Variants in PTPRM observed in about 807,000 individuals in gnomAD.
The protein encoded by PTPRM is receptor-type tyrosine-protein phosphatase mu.
Under a neutral mutation model 186.7 loss-of-function variants are expected in PTPRM, and 47 were observed. The ratio of observed to expected loss-of-function variants is 0.25; its 90% confidence interval spans 0.20 to 0.32. The LOEUF (loss-of-function observed/expected upper bound fraction) is 0.32, where lower values mean the gene tolerates loss of function less well. PTPRM is among the 10% of genes least tolerant of loss of function. The pLI is 1.00. For missense variants in PTPRM, 1,494 were observed against 1,865.0 expected, an observed-to-expected ratio of 0.80 and a Z score of 3.66; for synonymous variants, 668 against 674.9, an observed-to-expected ratio of 0.99 and a Z score of 0.16.
At chr18:8,405,577 A>G (rs1034632521) in intron 32 of PTPRM, among the ~76,000 whole-genome samples, 5 of 152,168 alleles carry the variant, frequency 3.3e-5, no homozygotes, top group African/African-American at 1.2e-4. Context: ...TCCTCACTGG[A>G]TCACGGACTT....
In PTPRM at chr18:8,041,693, TTA is replaced by T. The variant is rs373889976; in HGVS notation, c.1133-27992_1133-27991del. On this transcript the variant is annotated intron_variant, in intron 7 of 32. Coordinates refer to ENST00000580170, the MANE Select transcript of PTPRM (RefSeq NM_001105244.2). ...TTAAGCAGATGAACAATCGTCAGAC[TTA>T]GTTACTCTTTGTTGACTTACATCTG... 1.5e-3 allele frequency among the ~76,000 whole-genome samples: 226 copies of T among 152,322 alleles called. 1 individual carries two copies. The highest frequency in any genetic ancestry group is 5.3e-3 in the African/African-American group (222 of 41,576).
intron 7 of PTPRM, among the ~76,000 whole-genome samples, chr18:8,065,967 G>A (rs780022921): frequency 2.3e-4 from 35 of 152,130 alleles, no homozygotes; most frequent in Non-Finnish European, 3.5e-4. Context: ...GTGATCATCA[G>A]TATAACTCAC....
At chr18:7,922,253 A>G (rs2050909882) in intron 4 of PTPRM, among the ~76,000 whole-genome samples, 1 of 152,232 alleles carries the variant, frequency 6.6e-6, no homozygotes, top group African/African-American at 2.4e-5. Context: ...ATTCTCCTAC[A>G]GTGAGGTGCT....
chr18:7,786,815 A>G (rs1265967764), intron 2 of PTPRM, among the ~76,000 whole-genome samples: 1 of 152,240 alleles, frequency 6.6e-6, no homozygotes, highest in Non-Finnish European at 1.5e-5. Context: ...AACTGATGAC[A>G]AGTGACCTTT....
At chr18:7,599,652 A>C (rs1333822625) in intron 1 of PTPRM, among the ~76,000 whole-genome samples, 2 of 152,132 alleles carry the variant, frequency 1.3e-5, no homozygotes, top group Non-Finnish European at 2.9e-5. Context: ...ATTCAAATGT[A>C]GCACCCTGCT....
At chr18:7,637,842 G>A (rs1448127376) in intron 1 of PTPRM, among the ~76,000 whole-genome samples, 1 of 152,140 alleles carries the variant, frequency 6.6e-6, no homozygotes, top group Non-Finnish European at 1.5e-5. Flanking sequence ...ATTTTCTGGT[G>A]CTTTTCCTTA....
chr18:7,653,393 T>G (rs972122608), intron 1 of PTPRM, among the ~76,000 whole-genome samples: 2 of 152,108 alleles, frequency 1.3e-5, no homozygotes, highest in African/African-American at 4.8e-5. Flanking sequence ...CATGAAGGTT[T>G]GTTGTACAGA....
At chr18:7,679,821 T>C (rs1300062731) in intron 1 of PTPRM, among the ~76,000 whole-genome samples, 4 of 152,152 alleles carry the variant, frequency 2.6e-5, no homozygotes, top group African/African-American at 9.7e-5. Flanking sequence ...CTCCATTAGC[T>C]TGTCATGCAA....
chr18:8,203,328 A>G (rs2093883600), intron 14 of PTPRM, among the ~76,000 whole-genome samples: 1 of 152,166 alleles, frequency 6.6e-6, no homozygotes, highest in Non-Finnish European at 1.5e-5. Context: ...ATTTCTGGGT[A>G]TGTGTTGTAT....
At chr18:7,784,178 G>A (rs932100043) in intron 2 of PTPRM, among the ~76,000 whole-genome samples, 1 of 152,038 alleles carries the variant, frequency 6.6e-6, no homozygotes, top group African/African-American at 2.4e-5. Context: ...TCAAAGAGCC[G>A]AATACATTTA....
At chr18:8,071,337 T>C (rs1361791923) in intron 8 of PTPRM, among the ~76,000 whole-genome samples, 1 of 152,192 alleles carries the variant, frequency 6.6e-6, no homozygotes, top group African/African-American at 2.4e-5. Context: ...AGTTTTAGAT[T>C]GTTCTTTTCT....
intron 1 of PTPRM, among the ~76,000 whole-genome samples, chr18:7,701,302 C>CAA (rs749852978): frequency 2.3e-5 from 2 of 87,282 alleles, no homozygotes; most frequent in African/African-American, 4.5e-5. Context: ...GACCGTATCT[C>CAA]AAAAAAAAAA....
intron 19 of PTPRM, among the ~76,000 whole-genome samples, chr18:8,289,824 G>T (rs1475359798): frequency 6.6e-6 from 1 of 151,916 alleles, no homozygotes; most frequent in Non-Finnish European, 1.5e-5. Flanking sequence ...GAGATTAGCA[G>T]CTTCTTTAAA....
chr18:7,968,208 G>A lies in PTPRM; in HGVS notation c.1132+12794G>A, dbSNP rs2054280312. Among the ~76,000 whole-genome samples the A allele has an allele frequency of 2.9e-5, 3 of 104,730 alleles. 1 individual carries two copies. In the South Asian group the frequency reaches 9.0e-4, roughly 32 times the overall value. The allele number at this position is 104,730 out of a possible 152,430, so 68.7% of individuals were successfully genotyped here. A position where few individuals can be genotyped will look rare whatever the true frequency, so the allele number is the denominator to read the frequency against. On this transcript the variant is annotated intron_variant, in intron 7 of 32. Transcript: ENST00000580170. ...AGAATTTCATATCCAGCCAAACTAA[G>A]CTTCATAAGTGAAGAAGAAATAAAA...
chr18:7,842,979 G>T (rs1373612023), intron 2 of PTPRM, among the ~76,000 whole-genome samples: 1 of 146,384 alleles, frequency 6.8e-6, no homozygotes, highest in East Asian at 2.0e-4. Flanking sequence ...GAGAGAGAGA[G>T]ATTATATGAG....
At chr18:8,309,791 C>T (rs915111829) in intron 20 of PTPRM, among the ~76,000 whole-genome samples, 1 of 152,206 alleles carries the variant, frequency 6.6e-6, no homozygotes, top group Admixed American at 6.5e-5. Context: ...GCCTCGGCCT[C>T]CCAAGTAGCT....
chr18:8,319,006 T>C (rs1004277420), intron 21 of PTPRM, among the ~76,000 whole-genome samples, 172 bp from the exon 22 acceptor site: 1 of 152,242 alleles, frequency 6.6e-6, no homozygotes, highest in Non-Finnish European at 1.5e-5. Flanking sequence ...TTGTATTTGA[T>C]GCGCCTTCAC....
intron 2 of PTPRM, among the ~76,000 whole-genome samples, chr18:7,811,816 C>A (rs1447671616): frequency 6.6e-6 from 1 of 152,044 alleles, no homozygotes. Context: ...TGTTGTTGGG[C>A]AATTATAATC....
Position 8,165,180 on chromosome 18 carries a change from AAAAG to A in PTPRM, c.2300+21417_2300+21420del, listed in dbSNP as rs943070660. Among the ~76,000 whole-genome samples, 31 of 151,934 alleles carry A rather than the reference AAAAG, an allele frequency of 2.0e-4. No homozygotes were observed. The South Asian group carries it at 2.3e-3, about 11-fold the overall frequency. On this transcript the variant is annotated intron_variant, in intron 14 of 32. Coordinates refer to ENST00000580170, the MANE Select transcript of PTPRM (RefSeq NM_001105244.2). Reference sequence around the variant, plus strand: ...AAGACTCCATCTCAAAAAAAAAAAAAAAAGAAAGAAAGAAAGAAATGTTCTAATA... The same window carrying A: ...AAGACTCCATCTCAAAAAAAAAAAAAAAAGAAAGAAAGAAATGTTCTAATA...
Sources: allele counts gnomAD v4.1 joint callset (sites outside exome capture counted in the v4.1 genomes callset), GRCh38; gene constraint gnomAD v4.1.1; transcripts MANE v1.5; gene names NCBI Gene and HGNC (gene_info 2026-07-23, HGNC 2026-07-21).